Variants in RBFOX1 observed in about 807,000 individuals in gnomAD.
RBFOX1 encodes the protein RNA binding protein fox-1 homolog 1.
Under a neutral mutation model 57.7 loss-of-function variants are expected in RBFOX1, and 8 were observed. The ratio of observed to expected loss-of-function variants is 0.14; its 90% CI spans 0.08 to 0.25. The LOEUF (loss-of-function observed/expected upper bound fraction) is 0.25, where lower values mean the gene tolerates loss of function less well. RBFOX1 is among the 10% of genes least tolerant of loss of function. The probability of loss-of-function intolerance (pLI) is 1.00; values close to 1 mark genes in which losing one functional copy is unlikely to be tolerated. For missense variants in RBFOX1, 611 were observed against 548.5 expected (o/e 1.11, Z -1.14); for synonymous variants, 326 against 222.4 (o/e 1.47, Z -4.15).
At chr16:7,531,563 C>G (rs891301177) in intron 5 of RBFOX1, among the ~76,000 whole-genome samples, 1 of 152,130 alleles carries the variant, frequency 6.6e-6, no homozygotes, top group Non-Finnish European at 1.5e-5. Context: ...ACTGTCTTAC[C>G]CAGTCCATGC....
intron 2 of RBFOX1, among the ~76,000 whole-genome samples, chr16:6,394,784 C>T (rs541894821): frequency 1.1e-4 from 16 of 152,160 alleles, no homozygotes; most frequent in South Asian, 1.0e-3. Flanking sequence ...AGCTCAGCCA[C>T]GATCCCCAAG....
At chr16:7,001,281 T>G (rs78321868) in intron 3 of RBFOX1, among the ~76,000 whole-genome samples, 10,541 of 152,140 alleles carry the variant, frequency 0.069, 1,188 homozygotes, top group African/African-American at 0.24. Context: ...GAGAGATTCC[T>G]TGCTTTGTGA....
At chr16:6,855,252 G>A (rs1173946671) in intron 3 of RBFOX1, among the ~76,000 whole-genome samples, 2 of 152,052 alleles carry the variant, frequency 1.3e-5, no homozygotes, top group African/African-American at 2.4e-5. Context: ...GGAAGGGAGG[G>A]AGGGAGAGGG....
chr16:5,360,790 A>G (rs1486892234), intron 1 of RBFOX1, among the ~76,000 whole-genome samples: 2 of 152,214 alleles, frequency 1.3e-5, no homozygotes, highest in Non-Finnish European at 2.9e-5. Context: ...GATGGATTCA[A>G]TGAAATCGTA....
chr16:7,049,126 C>T (rs368066560), intron 3 of RBFOX1, among the ~76,000 whole-genome samples: 5 of 152,298 alleles, frequency 3.3e-5, no homozygotes, highest in African/African-American at 1.2e-4. Flanking sequence ...ATTATTTTCT[C>T]TCCGGGATCC....
intron 1 of RBFOX1, among the ~76,000 whole-genome samples, chr16:5,280,240 T>C (rs562752602): frequency 6.6e-6 from 1 of 152,374 alleles, no homozygotes; most frequent in South Asian, 2.1e-4. Flanking sequence ...ATCACATGTA[T>C]TGATTTGTGT....
In RBFOX1 at chr16:7,052,064, G is replaced by T. The variant is rs775856627; in HGVS notation, c.-8G>T. 11 of 1,612,348 alleles carry T rather than the reference G, an allele frequency of 6.8e-6. No individual in the cohort carries two copies. The highest frequency in any genetic ancestry group is 8.5e-6 in the Non-Finnish European group (10 of 1,179,486). ...ATTTTCTTTTCTTTCTAGGTTTCAAGACAACAGATGAATTGTGAAAGAGAG... is the reference window on the plus strand; with the variant it reads ...ATTTTCTTTTCTTTCTAGGTTTCAATACAACAGATGAATTGTGAAAGAGAG... On this transcript the variant is annotated 5_prime_UTR_variant, in exon 4 of 16. Transcript: ENST00000550418.
At chr16:7,479,793 T>A (rs1262294861) in intron 4 of RBFOX1, among the ~76,000 whole-genome samples, 2 of 152,186 alleles carry the variant, frequency 1.3e-5, no homozygotes, top group African/African-American at 4.8e-5. Context: ...CTCCCCAGCA[T>A]GTCGAATTTG....
chr16:6,491,629 C>G (rs958829553), intron 2 of RBFOX1, among the ~76,000 whole-genome samples: 3 of 152,154 alleles, frequency 2.0e-5, no homozygotes, highest in South Asian at 2.1e-4. Context: ...AGACACTGTA[C>G]TAATTCCCAG....
At chr16:7,464,971 A>G (rs117526982) in intron 4 of RBFOX1, among the ~76,000 whole-genome samples, 5,437 of 151,712 alleles carry the variant, frequency 0.036, 152 homozygotes, top group Admixed American at 0.058. Context: ...TGCTGCGATT[A>G]CAGGGATGAG....
chr16:5,339,172 C>G (rs1366720027), intron 1 of RBFOX1, among the ~76,000 whole-genome samples: 2 of 152,278 alleles, frequency 1.3e-5, no homozygotes, highest in East Asian at 3.9e-4. Flanking sequence ...CCCATAAACT[C>G]CCAGCCTCTG....
chr16:7,115,784 G>T (rs2065773879), intron 4 of RBFOX1, among the ~76,000 whole-genome samples: 1 of 152,208 alleles, frequency 6.6e-6, no homozygotes, highest in African/African-American at 2.4e-5. Context: ...AATCTAGCCT[G>T]CCCCGAAGGG....
chr16:7,553,043 G>C (rs887332364), intron 5 of RBFOX1, among the ~76,000 whole-genome samples: 1 of 151,956 alleles, frequency 6.6e-6, no homozygotes, highest in South Asian at 2.1e-4. Context: ...AGATATTTCA[G>C]GAGAAACAAG....
At chr16:7,299,677 C>T (rs1206200249) in intron 4 of RBFOX1, among the ~76,000 whole-genome samples, 1 of 152,142 alleles carries the variant, frequency 6.6e-6, no homozygotes, top group East Asian at 1.9e-4. Flanking sequence ...GGAGCTTCTG[C>T]AAAATACAGC....
intron 3 of RBFOX1, chr16:6,704,631 G>C (rs748309156): frequency 6.6e-6 from 1 of 152,602 alleles, no homozygotes; most frequent in Non-Finnish European, 1.5e-5. Context: ...GGAAGACTGA[G>C]AGAGACAGAG....
At chr16:7,200,265 G>T (rs1054553128) in intron 4 of RBFOX1, among the ~76,000 whole-genome samples, 7 of 152,148 alleles carry the variant, frequency 4.6e-5, no homozygotes, top group Non-Finnish European at 8.8e-5. Flanking sequence ...GAGATTTAAA[G>T]CAGGTAGGTT....
At chr16:5,593,724 A>G (rs1443025869) in intron 2 of RBFOX1, among the ~76,000 whole-genome samples, 1 of 152,172 alleles carries the variant, frequency 6.6e-6, no homozygotes, top group Non-Finnish European at 1.5e-5. Flanking sequence ...AAATAACCAT[A>G]AAAATGGGCA....
intron 1 of RBFOX1, among the ~76,000 whole-genome samples, chr16:6,116,405 C>G (rs1353316199): frequency 1.3e-5 from 2 of 152,140 alleles, no homozygotes; most frequent in South Asian, 2.1e-4. Flanking sequence ...TATCCCATAA[C>G]TTAAAGTATA....
At chr16:6,957,874 A>G (rs2082196145) in intron 3 of RBFOX1, among the ~76,000 whole-genome samples, 2 of 152,170 alleles carry the variant, frequency 1.3e-5, no homozygotes, top group African/African-American at 2.4e-5. Flanking sequence ...GTTGCAGATT[A>G]GTCAGAGCCC....
Sources: gnomAD v4.1 joint callset for allele counts (sites outside exome capture counted in the v4.1 genomes callset) on GRCh38, gnomAD v4.1.1 for gene constraint, MANE v1.5 for transcripts, NCBI Gene and HGNC (gene_info 2026-07-23, HGNC 2026-07-21) for gene names.